The following MKLN1 variants were observed in gnomAD, a reference collection of about 807,000 sequenced individuals.
MKLN1 encodes muskelin 1.
Under a neutral mutation model 99.0 loss-of-function variants are expected in MKLN1, and 18 were observed. The observed-to-expected ratio is 0.18, with a 90% confidence interval of 0.13 to 0.27. The LOEUF (loss-of-function observed/expected upper bound fraction) is 0.27. Among genes scored for constraint, MKLN1 ranks in the 10% least tolerant of loss-of-function variants. The pLI, the probability that MKLN1 is intolerant of heterozygous loss-of-function variation, is 1.00. For missense variants in MKLN1, 621 were observed against 875.9 expected, an observed-to-expected ratio of 0.71 and a Z score of 3.67; for synonymous variants, 288 against 293.2, an observed-to-expected ratio of 0.98 and a Z score of 0.18.
At chr7:131,290,368 A>G (rs1441301670) in intron 3 of MKLN1, among the ~76,000 whole-genome samples, 1 of 152,162 alleles carries the variant, frequency 6.6e-6, no homozygotes, top group Non-Finnish European at 1.5e-5. Flanking sequence ...TATTTTTCTC[A>G]TTATCACTTA....
chr7:131,428,457 A>T (rs1795424212), intron 8 of MKLN1, among the ~76,000 whole-genome samples: 1 of 151,518 alleles, frequency 6.6e-6, no homozygotes, highest in African/African-American at 2.5e-5. Flanking sequence ...ATCTAATTTT[A>T]ACTTAAAGCT....
intron 2 of MKLN1, among the ~76,000 whole-genome samples, chr7:131,166,429 C>A (rs1796125686): frequency 6.6e-6 from 1 of 151,868 alleles, no homozygotes; most frequent in Non-Finnish European, 1.5e-5. Flanking sequence ...TCATCTTACT[C>A]AGAGTAAAAG....
intron 1 of MKLN1, among the ~76,000 whole-genome samples, chr7:131,123,049 A>AAAAAAAG (rs1795400485): frequency 1.3e-5 from 2 of 150,268 alleles, no homozygotes; most frequent in African/African-American, 2.4e-5. Context: ...AAAAAAAAAA[A>AAAAAAAG]GTGTTGCTGC....
chr7:131,348,625 T>G (rs1362664138), intron 1 of MKLN1, among the ~76,000 whole-genome samples: 1 of 152,128 alleles, frequency 6.6e-6, no homozygotes, highest in Non-Finnish European at 1.5e-5. Flanking sequence ...TGAAAAATGC[T>G]TTACCATGGG....
intron 3 of MKLN1, among the ~76,000 whole-genome samples, chr7:131,221,928 T>C (rs2116454307): frequency 6.6e-6 from 1 of 152,130 alleles, no homozygotes; most frequent in South Asian, 2.1e-4. Context: ...TATTTTGACA[T>C]GGAGTGTTGC....
chr7:131,460,970 T>C (rs970906206), intron 12 of MKLN1, among the ~76,000 whole-genome samples: 5 of 152,226 alleles, frequency 3.3e-5, no homozygotes, highest in African/African-American at 1.2e-4. Flanking sequence ...CCTGAGCACA[T>C]CACTTCTGAA....
At chr7:131,330,777 C>T (rs1023121992) in intron 1 of MKLN1, among the ~76,000 whole-genome samples, 1 of 152,058 alleles carries the variant, frequency 6.6e-6, no homozygotes, top group Non-Finnish European at 1.5e-5. Context: ...ATTCTTTTCC[C>T]CTTCTTCCAG....
rs115993165 is a variant in MKLN1 at position 131,354,448 on chromosome 7, G to A, written c.99-20976G>A. ...ATGTTTAGTGTTAGTATATAGAAAT[G>A]CATTTGATTGTTGATCTTATATCCT... On this transcript the variant is annotated intron_variant, in intron 1 of 17. Transcript: ENST00000352689. Among the ~76,000 whole-genome samples the A allele has an allele frequency of 2.6e-3, 382 of 149,108 alleles. 2 individuals carry two copies. Among genetic ancestry groups the A allele is most frequent in the African/African-American group, 9.2e-3 (372 of 40,460 alleles).
At chr7:131,154,175 A>G (rs1256184576) in intron 2 of MKLN1, among the ~76,000 whole-genome samples, 3 of 152,238 alleles carry the variant, frequency 2.0e-5, no homozygotes, top group African/African-American at 7.2e-5. Flanking sequence ...GAGGATTCAC[A>G]TCACAAAATA....
chr7:131,464,214 C>T (rs953630859), intron 13 of MKLN1, 80 bp from the exon 14 acceptor site: 3 of 719,002 alleles, frequency 4.2e-6, no homozygotes, highest in Non-Finnish European at 6.9e-6. Context: ...AGTAATTAGA[C>T]ATGCAGTTAA....
chr7:131,288,165 C>T (rs1798160698), intron 3 of MKLN1, among the ~76,000 whole-genome samples: 1 of 151,916 alleles, frequency 6.6e-6, no homozygotes, highest in African/African-American at 2.4e-5. Flanking sequence ...GAGCCAGTGC[C>T]CTCTGGCTTA....
chr7:131,381,242 A>G (rs1380117891), intron 2 of MKLN1, among the ~76,000 whole-genome samples: 2 of 152,228 alleles, frequency 1.3e-5, no homozygotes. Flanking sequence ...TTAAAAAGAC[A>G]TTTGTAACTG....
At position 131,237,001 on chromosome 7, in the gene MKLN1, G is replaced by A. The variant is rs184501561; in HGVS notation, c.-179+34027G>A. On this transcript the variant is annotated intron_variant, in intron 3 of 7. Coordinates refer to the MKLN1 transcript ENST00000416992. ...GAGACTCTGTCTCTAAAAAAGAAAA[G>A]ACAAAAAAAATGATGGAGAAAACCA... Among the ~76,000 whole-genome samples, 341 of 151,962 alleles carry A rather than the reference G, an allele frequency of 2.2e-3. 4 individuals are homozygous for A. Among genetic ancestry groups the A allele is most frequent in the Non-Finnish European group, 2.5e-4 (17 of 67,914 alleles).
At chr7:131,296,067 C>T (rs1006650766) in intron 3 of MKLN1, among the ~76,000 whole-genome samples, 3 of 152,064 alleles carry the variant, frequency 2.0e-5, no homozygotes, top group African/African-American at 7.2e-5. Flanking sequence ...TATAAAGGAA[C>T]AACTTTTTTG....
At chr7:131,123,402 A>G (rs1795406186) in intron 1 of MKLN1, among the ~76,000 whole-genome samples, 1 of 152,246 alleles carries the variant, frequency 6.6e-6, no homozygotes. Flanking sequence ...TTCCAATAAA[A>G]TGAATTTGAA....
chr7:131,395,450 T>TTTTTTTTTTA (rs1794331378), intron 4 of MKLN1, among the ~76,000 whole-genome samples: 3 of 134,220 alleles, frequency 2.2e-5, no homozygotes, highest in African/African-American at 2.8e-5. Context: ...GTAAAAATTA[T>TTTTTTTTTTA]TTTTATTTTA....
chr7:131,133,975 G>A (rs1208450232), intron 1 of MKLN1, among the ~76,000 whole-genome samples: 2 of 150,668 alleles, frequency 1.3e-5, no homozygotes, highest in Non-Finnish European at 3.0e-5. Context: ...GATTACAGGC[G>A]CCTGCCACCA....
chr7:131,133,662 A>AT (rs1406844345), intron 1 of MKLN1, among the ~76,000 whole-genome samples: 1 of 147,250 alleles, frequency 6.8e-6, no homozygotes, highest in African/African-American at 2.5e-5. Flanking sequence ...TCTATTTTTA[A>AT]TTTTTTTTAT....
At chr7:131,139,673 G>C (rs559978366) in intron 1 of MKLN1, among the ~76,000 whole-genome samples, 2 of 152,316 alleles carry the variant, frequency 1.3e-5, no homozygotes, top group East Asian at 3.9e-4. Context: ...TCATCCCTCT[G>C]TAGGTCATCT....
Sources: allele counts gnomAD v4.1 joint callset (sites outside exome capture counted in the v4.1 genomes callset), GRCh38; gene constraint gnomAD v4.1.1; transcripts MANE v1.5; gene names NCBI Gene and HGNC (gene_info 2026-07-23, HGNC 2026-07-21).